PAX5: variants seen among roughly 807,000 people sequenced by gnomAD.
The protein encoded by PAX5 is paired box protein Pax-5.
PAX5 carries 9 observed loss-of-function variants against 43.7 expected under a neutral mutation model. The observed-to-expected ratio is 0.21, with a 90% CI of 0.12 to 0.36. The LOEUF (loss-of-function observed/expected upper bound fraction) is 0.36, where lower values mean the gene tolerates loss of function less well. Among genes scored for constraint, PAX5 ranks in the 10% least tolerant of loss-of-function variants. PAX5 has a pLI of 1.00. For missense variants in PAX5, 383 were observed against 532.7 expected (o/e 0.72, Z 2.77); for synonymous variants, 228 against 214.3 (o/e 1.06, Z -0.56).
intron 5 of PAX5, among the ~76,000 whole-genome samples, chr9:36,973,464 C>T (rs1835151628): frequency 1.3e-5 from 2 of 152,202 alleles, no homozygotes; most frequent in South Asian, 4.1e-4. Flanking sequence ...TCAAGTGAGT[C>T]CAATGAGCTT....
intron 8 of PAX5, among the ~76,000 whole-genome samples, chr9:36,863,578 G>A (rs1394683666): frequency 2.0e-5 from 3 of 152,238 alleles, no homozygotes; most frequent in Non-Finnish European, 4.4e-5. Flanking sequence ...TTGCCAGGCA[G>A]AGGCAGGCTC....
At chr9:37,019,344 G>T (rs921049429) in intron 2 of PAX5, among the ~76,000 whole-genome samples, 2 of 152,104 alleles carry the variant, frequency 1.3e-5, no homozygotes, top group African/African-American at 4.8e-5. Context: ...TATCTCTGGG[G>T]TTCATTTGCT....
intron 9 of PAX5, among the ~76,000 whole-genome samples, chr9:36,841,919 C>G (rs183022485): frequency 6.6e-6 from 1 of 152,106 alleles, no homozygotes; most frequent in Non-Finnish European, 1.5e-5. Context: ...TAGGGAGAGT[C>G]GACCTGTACC....
At chr9:36,956,361 CAG>C (rs1185540304) in intron 6 of PAX5, among the ~76,000 whole-genome samples, 7 of 152,162 alleles carry the variant, frequency 4.6e-5, no homozygotes, top group Admixed American at 3.3e-4. Flanking sequence ...GTGGAACAGA[CAG>C]GAGGAAAAAC....
intron 5 of PAX5, among the ~76,000 whole-genome samples, chr9:36,979,721 A>G (rs559767489): frequency 3.3e-5 from 5 of 152,220 alleles, no homozygotes; most frequent in Admixed American, 2.0e-4. Flanking sequence ...AGTGCCTTGT[A>G]CCCCAGTGAG....
At chr9:36,897,267 G>C (rs574915750) in intron 7 of PAX5, among the ~76,000 whole-genome samples, 28 of 152,318 alleles carry the variant, frequency 1.8e-4, no homozygotes, top group South Asian at 1.2e-3. Flanking sequence ...ACTGTGAGCG[G>C]CCTTCACGCT....
At chr9:36,888,788 G>A (rs376212141) in intron 7 of PAX5, among the ~76,000 whole-genome samples, 5 of 152,160 alleles carry the variant, frequency 3.3e-5, no homozygotes, top group Non-Finnish European at 4.4e-5. Flanking sequence ...CTCTGCAGGC[G>A]GCAGGCTTGA....
chr9:36,846,824 G>A lies in PAX5; in HGVS notation c.1099+19C>T, dbSNP rs565267067. The A allele has an allele frequency of 1.2e-6, 2 of 1,600,788 alleles. No homozygotes were observed. The highest frequency in any genetic ancestry group is 8.6e-7 in the Non-Finnish European group (1 of 1,168,106). Reference sequence around the variant, plus strand: ...AGCTGATGGCCCAAGGGCCCCGCAGGGCCTCCGCCAGTACTCACCAAGCAG... The same window carrying A: ...AGCTGATGGCCCAAGGGCCCCGCAGAGCCTCCGCCAGTACTCACCAAGCAG... On this transcript the variant is annotated intron_variant, in intron 9 of 9. Coordinates refer to ENST00000358127, the MANE Select transcript of PAX5 (RefSeq NM_016734.3).
At chr9:37,003,169 A>AAACAAAAAC (rs1838077578) in intron 4 of PAX5, among the ~76,000 whole-genome samples, 2 of 149,466 alleles carry the variant, frequency 1.3e-5, no homozygotes, top group East Asian at 2.1e-4. Context: ...AAAAAAAAAA[A>AAACAAAAAC]AAAAAAAAAA....
At chr9:37,018,893 G>C (rs766901432) in intron 2 of PAX5, among the ~76,000 whole-genome samples, 7 of 152,188 alleles carry the variant, frequency 4.6e-5, no homozygotes, top group Non-Finnish European at 1.0e-4. Flanking sequence ...CAGAGCACCA[G>C]AACATGAGGA....
At chr9:36,915,815 T>C (rs947608406) in intron 7 of PAX5, among the ~76,000 whole-genome samples, 10 of 152,192 alleles carry the variant, frequency 6.6e-5, no homozygotes, top group Admixed American at 2.6e-4. Context: ...CTCACTTCTG[T>C]AATCCCAGCA....
chr9:36,940,833 T>C (rs1001364408), intron 6 of PAX5, among the ~76,000 whole-genome samples: 1 of 152,134 alleles, frequency 6.6e-6, no homozygotes. Context: ...TCCAGGTACC[T>C]AGAGCAGTGC....
intron 6 of PAX5, among the ~76,000 whole-genome samples, chr9:36,952,105 T>C (rs1001378504): frequency 6.6e-6 from 1 of 152,220 alleles, no homozygotes; most frequent in African/African-American, 2.4e-5. Flanking sequence ...TAGATTATTG[T>C]TCATTTATCT....
chr9:37,006,416 C>A, intron 4 of PAX5, 57 bp downstream of exon 4: 1 of 1,271,796 alleles, frequency 7.9e-7, no homozygotes, highest in South Asian at 1.2e-5. Context: ...ATTAAAAGTT[C>A]TTTAGAATAT....
chr9:36,936,140 G>A (rs1831535797), intron 6 of PAX5, among the ~76,000 whole-genome samples: 1 of 152,210 alleles, frequency 6.6e-6, no homozygotes, highest in Non-Finnish European at 1.5e-5. Context: ...CCAAATACGT[G>A]GACAGAAAGG....
chr9:36,999,608 C>T (rs1211803713), intron 5 of PAX5, among the ~76,000 whole-genome samples: 2 of 152,120 alleles, frequency 1.3e-5, no homozygotes, highest in Non-Finnish European at 2.9e-5. Context: ...TCACCTCATC[C>T]GAAAAATGGG....
At chr9:36,920,924 C>T (rs1045887185) in intron 7 of PAX5, among the ~76,000 whole-genome samples, 29 of 150,368 alleles carry the variant, frequency 1.9e-4, no homozygotes, top group African/African-American at 6.3e-4. Context: ...AGCAATTCTC[C>T]TGCCTCAGCC....
rs1005928612 is a variant in PAX5, at chr9:36,837,196, A to G, written c.*3364T>C. On this transcript the variant is annotated 3_prime_UTR_variant, in exon 10 of 10. Transcript: ENST00000358127. ...AGATCTGAGAATTCACTTCGCCTCTATGTTGCCGTGAGAGCCCCAAATGTC... is the reference window on the plus strand; with the variant it reads ...AGATCTGAGAATTCACTTCGCCTCTGTGTTGCCGTGAGAGCCCCAAATGTC... 10 of 232,866 alleles carry G rather than the reference A, an allele frequency of 4.3e-5. No homozygotes were observed. Among genetic ancestry groups the G allele is most frequent in the Non-Finnish European group, 7.6e-5 (9 of 117,924 alleles). The allele number at this position is 232,866 out of a possible 1,614,324, so 14.4% of individuals were successfully genotyped here.
intron 5 of PAX5, among the ~76,000 whole-genome samples, chr9:36,992,076 T>C (rs1015719962): frequency 6.6e-6 from 1 of 152,154 alleles, no homozygotes; most frequent in African/African-American, 2.4e-5. Context: ...AAACTAGAAA[T>C]TTCAAAGTAA....
Sources: gnomAD v4.1 joint callset for allele counts (sites outside exome capture counted in the v4.1 genomes callset) on GRCh38, gnomAD v4.1.1 for gene constraint, MANE v1.5 for transcripts, NCBI Gene and HGNC (gene_info 2026-07-23, HGNC 2026-07-21) for gene names.